The following CDH13 variants were observed in gnomAD, a reference collection of about 807,000 sequenced individuals.
CDH13 encodes the protein cadherin-13.
Under a neutral mutation model 63.8 loss-of-function variants are expected in CDH13, and 24 were observed. That is an observed-to-expected ratio of 0.38 (90% confidence interval 0.27 to 0.53). The LOEUF (loss-of-function observed/expected upper bound fraction) is 0.53. CDH13 is among the 20% of genes least tolerant of loss of function. The pLI is 0.85. For missense variants in CDH13, 1,049 were observed against 903.1 expected, an observed-to-expected ratio of 1.16 and a Z score of -2.07; for synonymous variants, 503 against 355.3, an observed-to-expected ratio of 1.42 and a Z score of -4.67.
At chr16:82,845,205 C>T (rs1446751818) in intron 1 of CDH13, among the ~76,000 whole-genome samples, 1 of 152,146 alleles carries the variant, frequency 6.6e-6, no homozygotes, top group Non-Finnish European at 1.5e-5. Flanking sequence ...GCACAGGGAC[C>T]TCGAGAGGCA....
At chr16:83,776,289 A>C (rs563087540) in intron 11 of CDH13, among the ~76,000 whole-genome samples, 1 of 152,362 alleles carries the variant, frequency 6.6e-6, no homozygotes, top group South Asian at 2.1e-4. Context: ...GAAAAAACAT[A>C]ATGGATTCTT....
At chr16:82,828,510 C>A (rs1445150261) in intron 1 of CDH13, among the ~76,000 whole-genome samples, 1 of 152,042 alleles carries the variant, frequency 6.6e-6, no homozygotes, top group Non-Finnish European at 1.5e-5. Flanking sequence ...CCACCTAATC[C>A]CAGCTACTCA....
intron 5 of CDH13, among the ~76,000 whole-genome samples, chr16:83,270,378 C>T (rs2088765619): frequency 6.6e-6 from 1 of 152,130 alleles, no homozygotes; most frequent in Non-Finnish European, 1.5e-5. Flanking sequence ...CAATAATATG[C>T]CCACGAGGAA....
At chr16:82,894,148 G>A (rs2041171760) in intron 2 of CDH13, among the ~76,000 whole-genome samples, 1 of 152,156 alleles carries the variant, frequency 6.6e-6, no homozygotes, top group Non-Finnish European at 1.5e-5. Flanking sequence ...CATAGGACAG[G>A]CCAGTTTTGT....
Position 82,854,150 on chromosome 16 carries a change from A to C in CDH13, c.46-4212A>C, listed in dbSNP as rs571644059. On this transcript the variant is annotated intron_variant, in intron 1 of 13. Coordinates refer to ENST00000567109, the MANE Select transcript of CDH13 (RefSeq NM_001257.5). ...CTTGGTGGCTTATGCCTGTAATCCT[A>C]GAACTTTGGGAGGCCGAGGCAGGCG... 7.9e-5 allele frequency among the ~76,000 whole-genome samples: 12 copies of C among 152,296 alleles called. No individual in the cohort carries two copies. The South Asian group carries it at 2.3e-3, about 29-fold the overall frequency.
chr16:83,756,539 A>T (rs1200522920), intron 11 of CDH13, among the ~76,000 whole-genome samples: 1 of 152,240 alleles, frequency 6.6e-6, no homozygotes, highest in Admixed American at 6.5e-5. Context: ...TTTAAACAAC[A>T]TTATGAAATT....
chr16:83,226,139 C>G (rs181448993), intron 5 of CDH13, among the ~76,000 whole-genome samples: 1 of 152,330 alleles, frequency 6.6e-6, no homozygotes, highest in East Asian at 1.9e-4. Flanking sequence ...CCCTGCACCT[C>G]TGATCACCTC....
chr16:83,349,489 G>C (rs967238699), intron 6 of CDH13, among the ~76,000 whole-genome samples: 2 of 152,166 alleles, frequency 1.3e-5, no homozygotes, highest in African/African-American at 4.8e-5. Flanking sequence ...CTGAGATGAA[G>C]ATTGAGGCCT....
At chr16:82,742,939 T>C (rs1325780107) in intron 1 of CDH13, among the ~76,000 whole-genome samples, 1 of 152,214 alleles carries the variant, frequency 6.6e-6, no homozygotes, top group Non-Finnish European at 1.5e-5. Flanking sequence ...GTGACATTAA[T>C]GTAATTTTAA....
At chr16:83,001,439 C>T (rs559775868) in intron 2 of CDH13, among the ~76,000 whole-genome samples, 11 of 152,238 alleles carry the variant, frequency 7.2e-5, no homozygotes, top group African/African-American at 2.7e-4. Flanking sequence ...ATTTTTTCAT[C>T]TCTTCCTGCT....
chr16:83,783,297 A>G lies in CDH13; in HGVS notation c.1959A>G (p.Ala653=), dbSNP rs1345959983. 6.2e-7 allele frequency: 1 copy of G among 1,614,010 alleles called. No individual in the cohort carries two copies. Among genetic ancestry groups the G allele is most frequent in the Non-Finnish European group, 8.5e-7 (1 of 1,179,884 alleles). ...LVSLLQNLNK[A]NYNLPIMVTD... is the part of the protein sequence containing the mutation. ...GCCTTCTTCAAAATCTGAACAAAGC[A>G]AACTACAACCTGCCCATCATGGTGA... is the stretch of plus-strand genomic sequence containing the variant. Residue 653 remains alanine (A), a synonymous_variant, in exon 13 of 14, where the codon GCA becomes GCG. Transcript: ENST00000567109.
At chr16:83,727,615 T>C (rs540204758) in intron 10 of CDH13, among the ~76,000 whole-genome samples, 32 of 152,110 alleles carry the variant, frequency 2.1e-4, no homozygotes, top group African/African-American at 7.0e-4. Context: ...AATATCAACA[T>C]TGGAGATTTT....
intron 2 of CDH13, among the ~76,000 whole-genome samples, chr16:82,918,320 C>A (rs186819378): frequency 6.6e-6 from 1 of 152,198 alleles, no homozygotes; most frequent in African/African-American, 2.4e-5. Context: ...ACAGAAGACA[C>A]GGAGAAAATG....
rs191009496 is a variant in CDH13, at chr16:82,835,910, C to G, written c.46-22452C>G. ...CAGGAAGTCTCTGCTACCAACACCC[C>G]CAGGAGAAAACAGCTCCAGGCTCTT... On this transcript the variant is annotated intron_variant, in intron 1 of 13. Coordinates refer to ENST00000567109, the MANE Select transcript of CDH13 (RefSeq NM_001257.5). Among the ~76,000 whole-genome samples the G allele has an allele frequency of 6.9e-4, 105 of 152,280 alleles. 1 individual carries two copies. Among genetic ancestry groups the G allele is most frequent in the African/African-American group, 2.5e-3 (102 of 41,558 alleles).
chr16:82,930,603 C>A (rs905116972), intron 2 of CDH13, among the ~76,000 whole-genome samples: 1 of 151,952 alleles, frequency 6.6e-6, no homozygotes, highest in Non-Finnish European at 1.5e-5. Flanking sequence ...AAAAAGAGCT[C>A]CCCGTCAGCT....
At chr16:82,929,577 G>A (rs1597233917) in intron 2 of CDH13, among the ~76,000 whole-genome samples, 3 of 147,656 alleles carry the variant, frequency 2.0e-5, no homozygotes, top group South Asian at 4.3e-4. Context: ...GCATGAACTC[G>A]GGAGGCGGAG....
At chr16:83,245,973 G>C (rs1904951234) in intron 5 of CDH13, among the ~76,000 whole-genome samples, 1 of 152,170 alleles carries the variant, frequency 6.6e-6, no homozygotes, top group African/African-American at 2.4e-5. Context: ...TTGAACTCAA[G>C]CTATCCACCT....
chr16:83,023,278 C>A (rs139933222), intron 2 of CDH13, among the ~76,000 whole-genome samples: 1 of 151,552 alleles, frequency 6.6e-6, no homozygotes, highest in African/African-American at 2.4e-5. Context: ...TTGCAATTTC[C>A]CCCAGGTGGG....
chr16:83,180,436 G>A (rs1676254422), intron 4 of CDH13, among the ~76,000 whole-genome samples: 3 of 151,954 alleles, frequency 2.0e-5, no homozygotes, highest in Admixed American at 1.3e-4. Flanking sequence ...TACAAAAATA[G>A]TGCCAAGGAA....
Sources: allele counts gnomAD v4.1 joint callset (sites outside exome capture counted in the v4.1 genomes callset), GRCh38; gene constraint gnomAD v4.1.1; transcripts MANE v1.5; gene names NCBI Gene and HGNC (gene_info 2026-07-23, HGNC 2026-07-21).